RADIL: variants seen among roughly 807,000 people sequenced by gnomAD.
The protein encoded by RADIL is Rap associating with DIL domain, also known as ras-associating and dilute domain-containing protein.
Under a neutral mutation model 97.6 loss-of-function variants are expected in RADIL, and 99 were observed. The observed-to-expected ratio is 1.01, with a 90% CI of 0.86 to 1.20. The LOEUF (loss-of-function observed/expected upper bound fraction) is 1.20. Ranked by LOEUF, RADIL falls within the 50% of genes most tolerant of loss-of-function variation. The pLI is 0.00. For synonymous variants in RADIL, 803 were observed against 691.8 expected (o/e 1.16, Z -2.52); for missense variants, 1,765 against 1,498.9 (o/e 1.18, Z -2.93).
chr7:4,877,911 G>A lies in RADIL; in HGVS notation c.229C>T (p.His77Tyr), dbSNP rs1424646142. 1 of 1,606,366 alleles carries A rather than the reference G, an allele frequency of 6.2e-7. No individual in the cohort carries two copies. Among genetic ancestry groups the A allele is most frequent in the East Asian group, 2.2e-5 (1 of 44,880 alleles). ...CCGGTGGCCAGGACGCTCTTGTAGTGGGTTCCTGTGCAGACACTGTCCCCA... is the reference window on the plus strand; with the variant it reads ...CCGGTGGCCAGGACGCTCTTGTAGTAGGTTCCTGTGCAGACACTGTCCCCA... ...VFGDSVCTGTHYKSVLATGTS... is the reference protein window; with the variant it reads ...VFGDSVCTGTYYKSVLATGTS... Residue 77 changes from histidine to tyrosine, a missense_variant, in exon 2 of 15, where the codon CAC (histidine) becomes TAC (tyrosine). His to Tyr is a moderately conservative substitution (Grantham distance 83). Coordinates refer to ENST00000399583, the MANE Select transcript of RADIL (RefSeq NM_018059.5).
rs1281010047 is a variant in RADIL, at chr7:4,813,761, C to T, written c.2139+1517G>A. ...TTGTGTTTCTTTCCGGCTGTGCGGG[C>T]TGTCCTCAGTGGAACTGCAGGCTCA... On this transcript the variant is annotated intron_variant, in intron 9 of 14. Transcript: ENST00000399583. The surrounding 1 kb of genome is among the most constrained non-coding windows in gnomAD (Gnocchi z 5.0). Among the ~76,000 whole-genome samples, 1 of 152,252 alleles carries T rather than the reference C, an allele frequency of 6.6e-6. No individual in the cohort carries two copies. Among genetic ancestry groups the T allele is most frequent in the Non-Finnish European group, 1.5e-5 (1 of 68,046 alleles).
At chr7:4,830,132 C>CGT (rs1491375267) in intron 5 of RADIL, among the ~76,000 whole-genome samples, 1 of 152,162 alleles carries the variant, frequency 6.6e-6, no homozygotes, top group African/African-American at 2.4e-5. Context: ...ATCATACGTA[C>CGT]GTGTGTGTGC....
chr7:4,833,278 T>A (rs1384873957), intron 4 of RADIL, among the ~76,000 whole-genome samples: 2 of 152,186 alleles, frequency 1.3e-5, no homozygotes, highest in Non-Finnish European at 2.9e-5. Flanking sequence ...GCGTTTGGTT[T>A]GCAAGTAAGT....
At chr7:4,833,259 A>T (rs781643376) in intron 4 of RADIL, among the ~76,000 whole-genome samples, 21 of 152,272 alleles carry the variant, frequency 1.4e-4, no homozygotes, top group Non-Finnish European at 2.8e-4. Flanking sequence ...GTGATAAAGA[A>T]ATTAAACAGC....
Position 4,842,862 on chromosome 7 carries a change from T to C in RADIL, c.536-6257A>G, listed in dbSNP as rs1177235141. Among the ~76,000 whole-genome samples, 1 of 152,082 alleles carries C rather than the reference T, an allele frequency of 6.6e-6. No homozygotes were observed. Among genetic ancestry groups the C allele is most frequent in the Non-Finnish European group, 1.5e-5 (1 of 68,016 alleles). Reference sequence around the variant, plus strand: ...GGGGAACCGGAGACCATTGTACTTATTTGCTATGTTGCCCAGGCTGGAGTG... The same window carrying C: ...GGGGAACCGGAGACCATTGTACTTACTTGCTATGTTGCCCAGGCTGGAGTG... On this transcript the variant is annotated intron_variant, in intron 2 of 14. Transcript: ENST00000399583. The surrounding 1 kb of genome is among the most constrained non-coding windows in gnomAD (Gnocchi z 4.5).
intron 9 of RADIL, among the ~76,000 whole-genome samples, chr7:4,809,905 T>C (rs1782490409): frequency 6.6e-6 from 1 of 152,082 alleles, no homozygotes; most frequent in Non-Finnish European, 1.5e-5. Flanking sequence ...CAGGCTGGAG[T>C]GTGGTGGTGT....
At chr7:4,808,909 G>T in intron 9 of RADIL, 1 of 848,448 alleles carries the variant, frequency 1.2e-6, no homozygotes, top group Non-Finnish European at 1.3e-6. Context: ...CGACGCCACT[G>T]CCCCCCCACG....
chr7:4,820,869 G>A (rs910190429), intron 6 of RADIL, among the ~76,000 whole-genome samples: 5 of 152,294 alleles, frequency 3.3e-5, no homozygotes, highest in Non-Finnish European at 5.9e-5. Context: ...CAGATGCCCC[G>A]CCACCTCCCT....
Position 4,803,762 on chromosome 7 carries a change from G to A in RADIL, c.2291-8C>T. On this transcript the variant is annotated splice_polypyrimidine_tract_variant and splice_region_variant and intron_variant, in intron 10 of 14. Coordinates refer to ENST00000399583, the MANE Select transcript of RADIL (RefSeq NM_018059.5). Reference sequence around the variant, plus strand: ...AGGACTCCAGAACATCCTCTGCAGGGGAGAGAGGATGCCCGTAATGGCCAC... The same window carrying A: ...AGGACTCCAGAACATCCTCTGCAGGAGAGAGAGGATGCCCGTAATGGCCAC... 1 of 1,552,942 alleles carries A rather than the reference G, an allele frequency of 6.4e-7. No homozygotes were observed.
Position 4,875,636 on chromosome 7 carries a change from G to A in RADIL, c.535+1969C>T, listed in dbSNP as rs75531682. Among the ~76,000 whole-genome samples the A allele has an allele frequency of 2.5e-3, 380 of 152,318 alleles. 3 individuals are homozygous for A. The highest frequency in any genetic ancestry group is 0.01 in the Middle Eastern group (3 of 294). ...GCCCCAAGGTGGCCCTGTCCCACTCGCTTTTTGCCCGCTGCTTGGCAGAGG... is the reference window on the plus strand; with the variant it reads ...GCCCCAAGGTGGCCCTGTCCCACTCACTTTTTGCCCGCTGCTTGGCAGAGG... On this transcript the variant is annotated intron_variant, in intron 2 of 14. Coordinates refer to ENST00000399583, the MANE Select transcript of RADIL (RefSeq NM_018059.5).
intron 2 of RADIL, among the ~76,000 whole-genome samples, chr7:4,866,585 A>T (rs1784136212): frequency 6.6e-6 from 1 of 152,200 alleles, no homozygotes; most frequent in Admixed American, 6.5e-5. Context: ...TTAATTGTCC[A>T]TTTCACAGCT....
chr7:4,832,077 C>T lies in RADIL; in HGVS notation c.1454+64G>A, dbSNP rs190035371. On this transcript the variant is annotated intron_variant, in intron 5 of 14. Coordinates refer to ENST00000399583, the MANE Select transcript of RADIL (RefSeq NM_018059.5). ...GAGACCCCTCGGGACTTGGCTCCCC[C>T]GGGAAGTGTGAGCCCCCAGGACCTG... 2.4e-5 allele frequency: 38 copies of T among 1,571,344 alleles called. 1 individual carries two copies. The highest frequency in any genetic ancestry group is 1.3e-4 in the African/African-American group (10 of 74,164).
At chr7:4,852,607 CCTGA>C (rs1173299135) in intron 2 of RADIL, among the ~76,000 whole-genome samples, 15 of 152,142 alleles carry the variant, frequency 9.9e-5, no homozygotes, top group Admixed American at 5.2e-4. Context: ...TGACACCATG[CCTGA>C]CTAATTTTTT....
rs1056103934 is a variant in RADIL at position 4,799,128 on chromosome 7, T to C, written c.*250A>G. 3 of 506,676 alleles carry C rather than the reference T, an allele frequency of 5.9e-6. No individual in the cohort carries two copies. The highest frequency in any genetic ancestry group is 1.1e-5 in the Non-Finnish European group (3 of 280,632). 31.4% of individuals were successfully genotyped at this position (506,676 alleles called of 1,614,324 possible). On this transcript the variant is annotated 3_prime_UTR_variant, in exon 15 of 15. Transcript: ENST00000399583. ...TCTAAGAACGGGAAAAATAGTTTAT[T>C]GAACCGTACTTCTCCATTGAAGTCT...
At chr7:4,808,552 T>TG (rs1404679220) in intron 9 of RADIL, 1 of 973,970 alleles carries the variant, frequency 1.0e-6, no homozygotes, top group African/African-American at 1.8e-5. Context: ...AAGAAGGAGA[T>TG]GGGACATAGA....
Position 4,797,260 on chromosome 7 carries a change from T to TCC in RADIL, c.*2116_*2117dup, listed in dbSNP as rs1334038761. The TCC allele has an allele frequency of 2.0e-5, 3 of 152,280 alleles. No homozygotes were observed. The highest frequency in any genetic ancestry group is 7.2e-5 in the African/African-American group (3 of 41,462). 9.4% of individuals were successfully genotyped at this position (152,280 alleles called of 1,614,324 possible). A position where few individuals can be genotyped will look rare whatever the true frequency, so the allele number is the denominator to read the frequency against. ...TGGGCCTCCCCGACTCCACGGGGCC[T>TCC]CCCTTCCTTGGGGTGATGCCAAGAG... On this transcript the variant is annotated 3_prime_UTR_variant, in exon 15 of 15. Transcript: ENST00000399583.
chr7:4,855,600 G>A (rs899008035), intron 2 of RADIL, among the ~76,000 whole-genome samples: 4 of 116,082 alleles, frequency 3.4e-5, no homozygotes, highest in Non-Finnish European at 5.0e-5. Context: ...CCTAGACACT[G>A]TTAGACTTTT....
chr7:4,819,680 G>A lies in RADIL; in HGVS notation c.1616-2329C>T, dbSNP rs779779426. Among the ~76,000 whole-genome samples, 16 of 152,162 alleles carry A rather than the reference G, an allele frequency of 1.1e-4. No homozygotes were observed. The highest frequency in any genetic ancestry group is 2.2e-4 in the Non-Finnish European group (15 of 68,032). On this transcript the variant is annotated intron_variant, in intron 6 of 14. Transcript: ENST00000399583. The surrounding 1 kb of genome is among the most constrained non-coding windows in gnomAD (Gnocchi z 5.8). Reference sequence around the variant, plus strand: ...GCCACGTGACCCACCCTCGGGACGCGACAGCCCTGCTCTCCGAATTCTTCC... The same window carrying A: ...GCCACGTGACCCACCCTCGGGACGCAACAGCCCTGCTCTCCGAATTCTTCC...
chr7:4,805,073 G>A (rs182424089), intron 10 of RADIL, among the ~76,000 whole-genome samples: 1 of 152,206 alleles, frequency 6.6e-6, no homozygotes, highest in East Asian at 1.9e-4. Flanking sequence ...CAGCCTGGAT[G>A]ACAGAGCAAG....
Sources: allele counts gnomAD v4.1 joint callset (sites outside exome capture counted in the v4.1 genomes callset), GRCh38; gene constraint gnomAD v4.1.1; non-coding constraint Gnocchi (gnomAD v3.1); transcripts MANE v1.5; gene names NCBI Gene and HGNC (gene_info 2026-07-23, HGNC 2026-07-21).